Variants in FTO observed in about 807,000 individuals in gnomAD.
FTO encodes the protein FTO alpha-ketoglutarate dependent dioxygenase.
In FTO, 47 loss-of-function variants were observed where a neutral mutation model predicts 63.9. The observed-to-expected ratio is 0.74, with a 90% CI of 0.58 to 0.94. The LOEUF (loss-of-function observed/expected upper bound fraction) is 0.94, where lower values mean the gene tolerates loss of function less well. Ranked by LOEUF, FTO falls within the 40% of genes least tolerant of loss-of-function variation. FTO has a pLI of 0.00. For synonymous variants in FTO, 207 were observed against 224.4 expected, an observed-to-expected ratio of 0.92 and a Z score of 0.69; for missense variants, 562 against 618.1, an observed-to-expected ratio of 0.91 and a Z score of 0.96.
chr16:53,920,140 A>G (rs537827153), intron 7 of FTO, among the ~76,000 whole-genome samples: 1 of 152,202 alleles, frequency 6.6e-6, no homozygotes, highest in African/African-American at 2.4e-5. Context: ...GAGAAAAAGG[A>G]GCTAACACTT....
intron 1 of FTO, among the ~76,000 whole-genome samples, chr16:53,718,433 AT>A (rs2075948244): frequency 6.6e-6 from 1 of 151,942 alleles, no homozygotes; most frequent in South Asian, 2.1e-4. Context: ...GGTTTTCTGG[AT>A]ATTTACGAGG....
chr16:53,954,209 C>T (rs1450318749), intron 8 of FTO, among the ~76,000 whole-genome samples: 1 of 152,108 alleles, frequency 6.6e-6, no homozygotes, highest in Non-Finnish European at 1.5e-5. Flanking sequence ...AAGCACATCT[C>T]GAGAATGAGG....
intron 1 of FTO, among the ~76,000 whole-genome samples, chr16:53,713,610 G>A (rs1176850199): frequency 6.6e-6 from 1 of 152,156 alleles, no homozygotes; most frequent in Non-Finnish European, 1.5e-5. Flanking sequence ...GATTTGTGTT[G>A]GTAGGGGCTT....
Position 54,116,780 on chromosome 16 carries a change from A to G in FTO, c.*4865A>G, listed in dbSNP as rs745696072. The G allele has an allele frequency of 6.6e-6, 1 of 152,108 alleles. No homozygotes were observed. Among genetic ancestry groups the G allele is most frequent in the Non-Finnish European group, 1.5e-5 (1 of 68,014 alleles). The allele number at this position is 152,108 out of a possible 1,614,324, so 9.4% of individuals were successfully genotyped here. ...CACCCGATAGATTCCTGGAAACTCCAGGAAAGTATCTGAAGATCTGGTTCT... is the reference window on the plus strand; with the variant it reads ...CACCCGATAGATTCCTGGAAACTCCGGGAAAGTATCTGAAGATCTGGTTCT... On this transcript the variant is annotated 3_prime_UTR_variant, in exon 9 of 9. Coordinates refer to ENST00000471389, the MANE Select transcript of FTO (RefSeq NM_001080432.3).
intron 7 of FTO, among the ~76,000 whole-genome samples, chr16:53,906,601 C>T (rs562468019): frequency 1.2e-4 from 19 of 152,108 alleles, no homozygotes; most frequent in Non-Finnish European, 2.1e-4. Context: ...TAGGTGGATC[C>T]GATTTCAAAG....
At chr16:53,859,069 G>T (rs574144322) in intron 4 of FTO, among the ~76,000 whole-genome samples, 1 of 152,296 alleles carries the variant, frequency 6.6e-6, no homozygotes, top group South Asian at 2.1e-4. Context: ...GCAGAGTATA[G>T]CGAGTTGGGG....
intron 1 of FTO, among the ~76,000 whole-genome samples, chr16:53,804,104 T>C (rs2078294078): frequency 1.3e-5 from 2 of 152,210 alleles, no homozygotes; most frequent in Admixed American, 6.5e-5. Context: ...TATGTATTAA[T>C]ATCATTTACA....
intron 2 of FTO, among the ~76,000 whole-genome samples, chr16:53,818,189 A>G (rs977017713): frequency 6.6e-5 from 10 of 150,962 alleles, no homozygotes; most frequent in African/African-American, 2.2e-4. Flanking sequence ...TTTTTTTTAA[A>G]GAAAAATTGA....
chr16:53,795,700 G>A (rs776440578), intron 1 of FTO, among the ~76,000 whole-genome samples: 6 of 152,082 alleles, frequency 3.9e-5, no homozygotes, highest in African/African-American at 7.2e-5. Flanking sequence ...TCATGTTGAC[G>A]TTGTAGAATT....
intron 3 of FTO, among the ~76,000 whole-genome samples, chr16:53,827,248 T>G (rs1198443199): frequency 6.6e-6 from 1 of 152,218 alleles, no homozygotes; most frequent in Non-Finnish European, 1.5e-5. Context: ...TTATTGTTTC[T>G]GTGTGTTTAT....
intron 8 of FTO, among the ~76,000 whole-genome samples, chr16:54,024,329 T>G (rs961398863): frequency 8.5e-5 from 13 of 152,158 alleles, no homozygotes; most frequent in African/African-American, 2.7e-4. Flanking sequence ...GTTCAAGAGA[T>G]TCTCCTGCCT....
At chr16:53,846,888 C>T (rs1375262052) in intron 4 of FTO, among the ~76,000 whole-genome samples, 3 of 148,878 alleles carry the variant, frequency 2.0e-5, no homozygotes, top group Admixed American at 2.0e-4. Flanking sequence ...GTGTTCTTTT[C>T]TGATTAAAAA....
At chr16:53,746,188 G>T (rs572635461) in intron 1 of FTO, among the ~76,000 whole-genome samples, 1 of 152,312 alleles carries the variant, frequency 6.6e-6, no homozygotes, top group Non-Finnish European at 1.5e-5. Flanking sequence ...TCTAGCCAAT[G>T]ACGTGGAAGT....
At chr16:53,929,166 C>T (rs957589480) in intron 7 of FTO, among the ~76,000 whole-genome samples, 6 of 152,122 alleles carry the variant, frequency 3.9e-5, no homozygotes, top group South Asian at 2.1e-4. Context: ...TATAAACTCA[C>T]GTAACCACCA....
chr16:53,869,106 A>G (rs1280001732), intron 4 of FTO, among the ~76,000 whole-genome samples: 2 of 152,156 alleles, frequency 1.3e-5, no homozygotes, highest in Non-Finnish European at 2.9e-5. Context: ...TGCTTGGATT[A>G]CAGACATGAG....
At chr16:53,804,664 G>C (rs1442256365) in intron 1 of FTO, among the ~76,000 whole-genome samples, 1 of 129,482 alleles carries the variant, frequency 7.7e-6, no homozygotes, top group Non-Finnish European at 1.6e-5. Flanking sequence ...AAAGAACCAT[G>C]CTGTGTCACC....
intron 8 of FTO, among the ~76,000 whole-genome samples, chr16:54,107,330 G>C (rs2086779160): frequency 6.6e-6 from 1 of 152,044 alleles, no homozygotes; most frequent in Admixed American, 6.6e-5. Context: ...TGTTTAGCTG[G>C]GTTCAGTAGG....
chr16:53,839,359 T>G (rs965140633), intron 3 of FTO, among the ~76,000 whole-genome samples: 3 of 152,120 alleles, frequency 2.0e-5, no homozygotes, highest in Non-Finnish European at 4.4e-5. Flanking sequence ...GCAAGAGTAA[T>G]CAGTTACAGT....
intron 6 of FTO, among the ~76,000 whole-genome samples, chr16:53,883,812 A>G (rs192718156): frequency 2.0e-5 from 3 of 151,884 alleles, no homozygotes; most frequent in East Asian, 1.9e-4. Context: ...CATCCCCCCA[A>G]TCTCTGATTC....
Sources: gnomAD v4.1 joint callset for allele counts (sites outside exome capture counted in the v4.1 genomes callset) on GRCh38, gnomAD v4.1.1 for gene constraint, MANE v1.5 for transcripts, NCBI Gene and HGNC (gene_info 2026-07-23, HGNC 2026-07-21) for gene names.